The following GLRX3 variants were observed in gnomAD, a reference collection of about 807,000 sequenced individuals.
The protein encoded by GLRX3 is glutaredoxin 3, also known as glutaredoxin-3.
In GLRX3, 22 loss-of-function variants were observed where a neutral mutation model predicts 49.5. That is an observed-to-expected ratio of 0.44 (90% CI 0.32 to 0.63). The LOEUF is 0.63. GLRX3 is among the 30% of genes least tolerant of loss of function. GLRX3 has a pLI of 0.05. For missense variants in GLRX3, 385 were observed against 396.3 expected, an observed-to-expected ratio of 0.97 and a Z score of 0.24; for synonymous variants, 133 against 140.0, an observed-to-expected ratio of 0.95 and a Z score of 0.35.
chr10:130,138,351 G>A (rs1246102952), intron 1 of GLRX3, among the ~76,000 whole-genome samples: 2 of 152,178 alleles, frequency 1.3e-5, no homozygotes, highest in African/African-American at 4.8e-5. Context: ...GAGCCCCCGT[G>A]ACCTGCCCTG....
chr10:130,166,541 A>G lies in GLRX3; in HGVS notation c.513A>G (p.Lys171=). ...FSKQMVEILH[K]HNIQFSSFDI... is the part of the protein sequence containing the mutation. Reference sequence around the variant, plus strand: ...AGCAGATGGTGGAAATTCTTCACAAACATAATATTCAGTTTAGCAGTTTTG... The same window carrying G: ...AGCAGATGGTGGAAATTCTTCACAAGCATAATATTCAGTTTAGCAGTTTTG... The change falls in exon 5 of 11, where the codon AAA becomes AAG. Residue 171 remains lysine, a synonymous_variant. Coordinates refer to ENST00000331244, the MANE Select transcript of GLRX3 (RefSeq NM_006541.5). 3 of 1,613,458 alleles carry G rather than the reference A, an allele frequency of 1.9e-6. No individual in the cohort carries two copies. The highest frequency in any genetic ancestry group is 2.5e-6 in the Non-Finnish European group (3 of 1,179,472).
At position 130,166,511 on chromosome 10, in the gene GLRX3, C is replaced by T. The variant is rs759188105; in HGVS notation, c.483C>T (p.Phe161=). ...TATTTCTTTTTTTGTGTACAGGTTTCAGCAAGCAGATGGTGGAAATTCTTC... is the reference window on the plus strand; with the variant it reads ...TATTTCTTTTTTTGTGTACAGGTTTTAGCAAGCAGATGGTGGAAATTCTTC... The part of the protein sequence containing the change: ...KGTPQEPRCG[F]SKQMVEILHK... Residue 161 remains phenylalanine, a synonymous_variant, in exon 5 of 11, where the codon TTC becomes TTT. Transcript: ENST00000331244. 1.2e-6 allele frequency: 2 copies of T among 1,612,108 alleles called. No individual in the cohort carries two copies. Among genetic ancestry groups the T allele is most frequent in the East Asian group, 4.5e-5 (2 of 44,836 alleles).
At chr10:130,159,020 C>T (rs891532253) in intron 2 of GLRX3, among the ~76,000 whole-genome samples, 1 of 151,936 alleles carries the variant, frequency 6.6e-6, no homozygotes, top group African/African-American at 2.4e-5. Context: ...GGGTAAGGCT[C>T]TAAATAAAAA....
intron 1 of GLRX3, among the ~76,000 whole-genome samples, chr10:130,139,117 C>A (rs12252684): frequency 1.3e-5 from 2 of 151,672 alleles, no homozygotes; most frequent in African/African-American, 4.8e-5. Context: ...CGCTTCCCAG[C>A]GTGCTGGGAT....
intron 2 of GLRX3, among the ~76,000 whole-genome samples, chr10:130,151,177 C>T (rs548526730): frequency 1.1e-4 from 16 of 152,208 alleles, no homozygotes; most frequent in African/African-American, 2.4e-4. Context: ...CCGCCTGCCT[C>T]GGCCTCCCAA....
At chr10:130,158,238 A>G (rs1172030521) in intron 2 of GLRX3, among the ~76,000 whole-genome samples, 4 of 149,194 alleles carry the variant, frequency 2.7e-5, no homozygotes, top group African/African-American at 1.0e-4. Context: ...TTTGAGACGG[A>G]GTTTTGCTTA....
intron 2 of GLRX3, among the ~76,000 whole-genome samples, chr10:130,149,454 C>A (rs1206791050): frequency 1.7e-4 from 24 of 145,444 alleles, no homozygotes; most frequent in Admixed American, 6.8e-4. Flanking sequence ...AAAAAAAAAA[C>A]AAAACAGGAA....
chr10:130,143,089 T>G (rs899678293), intron 1 of GLRX3, among the ~76,000 whole-genome samples: 4 of 152,196 alleles, frequency 2.6e-5, no homozygotes, highest in African/African-American at 9.6e-5. Context: ...GCACTATGAT[T>G]TGAGGCATAG....
intron 5 of GLRX3, 29 bp downstream of exon 5, chr10:130,166,708 A>G (rs1862698451): frequency 1.4e-6 from 2 of 1,420,572 alleles, no homozygotes; most frequent in Non-Finnish European, 2.0e-6. Context: ...GTGCTTTGTA[A>G]AGAAATTCCA....
intron 1 of GLRX3, among the ~76,000 whole-genome samples, chr10:130,144,967 A>G (rs1049906927): frequency 6.6e-6 from 1 of 152,248 alleles, no homozygotes; most frequent in African/African-American, 2.4e-5. Context: ...ATGAATATTC[A>G]GATCTACTTC....
At chr10:130,149,996 T>TGGGA (rs535142723) in intron 2 of GLRX3, among the ~76,000 whole-genome samples, 162 of 148,828 alleles carry the variant, frequency 1.1e-3, no homozygotes, top group South Asian at 4.0e-3. Context: ...CCCAGCACTT[T>TGGGA]GGGAGGCCGA....
chr10:130,166,717 C>A, intron 5 of GLRX3, 38 bp downstream of exon 5: 1 of 1,313,092 alleles, frequency 7.6e-7, no homozygotes, highest in South Asian at 1.3e-5. Context: ...AAAGAAATTC[C>A]ATTTAGAGCA....
At chr10:130,144,318 T>G (rs1389697523) in intron 1 of GLRX3, among the ~76,000 whole-genome samples, 4 of 150,698 alleles carry the variant, frequency 2.7e-5, no homozygotes, top group Non-Finnish European at 5.9e-5. Flanking sequence ...TACTTTAAGT[T>G]CTGGGATACA....
chr10:130,143,596 A>G (rs12268797), intron 1 of GLRX3, among the ~76,000 whole-genome samples: 15,189 of 151,850 alleles, frequency 0.1, 780 homozygotes, highest in Middle Eastern at 0.13. Flanking sequence ...TGGTATGATC[A>G]TGGCTCACTA....
At chr10:130,172,739 C>T (rs995969408) in intron 8 of GLRX3, among the ~76,000 whole-genome samples, 20 of 152,150 alleles carry the variant, frequency 1.3e-4, no homozygotes, top group Middle Eastern at 3.4e-3. Context: ...GTCAGGAGTT[C>T]GAGACCAGCT....
intron 2 of GLRX3, among the ~76,000 whole-genome samples, chr10:130,147,691 C>G (rs543593363): frequency 6.6e-6 from 1 of 152,154 alleles, no homozygotes; most frequent in Non-Finnish European, 1.5e-5. Flanking sequence ...AGGCACTTGC[C>G]GGACAATAGT....
At position 130,160,954 on chromosome 10, in the gene GLRX3, C is replaced by T. The variant is rs1197650236; in HGVS notation, c.435C>T (p.Pro145=). The change falls in exon 4 of 11, where the codon CCC becomes CCT. Residue 145 remains proline (P), a synonymous_variant. Transcript: ENST00000331244. The stretch of plus-strand genomic sequence containing the variant: ...TGAAGAAATTGACTCATGCTGCCCC[C>T]TGCATGCTGTTTATGAAAGGAACTC... The part of the protein sequence containing the change: ...LRLKKLTHAA[P]CMLFMKGTPQ... 1 of 1,613,828 alleles carries T rather than the reference C, an allele frequency of 6.2e-7. No individual in the cohort carries two copies. The highest frequency in any genetic ancestry group is 1.7e-5 in the Admixed American group (1 of 60,016).
chr10:130,137,179 A>G (rs1165817040), intron 1 of GLRX3, among the ~76,000 whole-genome samples: 2 of 152,176 alleles, frequency 1.3e-5, no homozygotes, highest in East Asian at 1.9e-4. Context: ...TGTTCCATGA[A>G]CTGGTGTAGT....
At chr10:130,178,421 G>C (rs1251150100) in intron 10 of GLRX3, among the ~76,000 whole-genome samples, 1 of 150,992 alleles carries the variant, frequency 6.6e-6, no homozygotes, top group Non-Finnish European at 1.5e-5. Context: ...TGCCCACCTG[G>C]CTAATTTTTT....
Sources: allele counts gnomAD v4.1 joint callset (sites outside exome capture counted in the v4.1 genomes callset), GRCh38; gene constraint gnomAD v4.1.1; transcripts MANE v1.5; gene names NCBI Gene and HGNC (gene_info 2026-07-23, HGNC 2026-07-21).